The following OSBP2 variants were observed in gnomAD, a reference collection of about 807,000 sequenced individuals.
OSBP2 encodes oxysterol binding protein 2, also known as oxysterol-binding protein 2.
Under a neutral mutation model 96.0 loss-of-function variants are expected in OSBP2, and 66 were observed. That is an observed-to-expected ratio of 0.69 (90% CI 0.56 to 0.84). OSBP2 has a LOEUF of 0.84. Among genes scored for constraint, OSBP2 ranks in the 40% least tolerant of loss-of-function variants. The pLI, the probability that OSBP2 is intolerant of heterozygous loss-of-function variation, is 0.00. For missense variants in OSBP2, 1,038 were observed against 1,222.7 expected (o/e 0.85, Z 2.25); for synonymous variants, 525 against 520.9 (o/e 1.01, Z -0.11).
chr22:30,716,809 C>T (rs9621073), intron 1 of OSBP2, among the ~76,000 whole-genome samples: 3,541 of 152,262 alleles, frequency 0.023, 120 homozygotes, highest in African/African-American at 0.08. Flanking sequence ...ACATTCTAGA[C>T]ATTAACCCAC....
intron 1 of OSBP2, among the ~76,000 whole-genome samples, chr22:30,721,427 C>T (rs560802247): frequency 1.3e-5 from 2 of 152,230 alleles, no homozygotes; most frequent in Admixed American, 1.3e-4. Context: ...CTGTGGCAGG[C>T]CCTCAGTGAA....
At chr22:30,824,846 G>A (rs1434321485) in intron 2 of OSBP2, among the ~76,000 whole-genome samples, 1 of 152,202 alleles carries the variant, frequency 6.6e-6, no homozygotes, top group Non-Finnish European at 1.5e-5. Context: ...CATTTCAGCA[G>A]CAGGACAAGG....
At chr22:30,760,830 A>G (rs2090197186) in intron 2 of OSBP2, among the ~76,000 whole-genome samples, 1 of 152,154 alleles carries the variant, frequency 6.6e-6, no homozygotes, top group Non-Finnish European at 1.5e-5. Context: ...AAAAAGAAAA[A>G]AAAAAGAAAA....
At chr22:30,728,589 T>A (rs136367) in intron 1 of OSBP2, among the ~76,000 whole-genome samples, 1 of 152,090 alleles carries the variant, frequency 6.6e-6, no homozygotes, top group African/African-American at 2.4e-5. Context: ...CTCAAACTCC[T>A]GGGCTCAAAG....
chr22:30,764,420 T>G, intron 2 of OSBP2: 1 of 983,928 alleles, frequency 1.0e-6, no homozygotes, highest in Non-Finnish European at 1.2e-6. Flanking sequence ...TTCCTCCTGT[T>G]CCTGTTGGGT....
At chr22:30,898,911 AC>A (rs1282171960) in intron 12 of OSBP2, among the ~76,000 whole-genome samples, 3 of 151,312 alleles carry the variant, frequency 2.0e-5, no homozygotes, top group Non-Finnish European at 4.4e-5. Flanking sequence ...AATTAAAAAA[AC>A]AAAGCCAAAA....
At chr22:30,712,507 C>T (rs1052126193) in intron 1 of OSBP2, among the ~76,000 whole-genome samples, 2 of 152,210 alleles carry the variant, frequency 1.3e-5, no homozygotes. Flanking sequence ...AATCCTCTCT[C>T]ATCCTTTTGC....
chr22:30,771,983 G>A (rs1478974389), intron 2 of OSBP2, among the ~76,000 whole-genome samples: 1 of 152,214 alleles, frequency 6.6e-6, no homozygotes. Flanking sequence ...CAGATGTTTG[G>A]TGTGCACAGT....
intron 1 of OSBP2, among the ~76,000 whole-genome samples, chr22:30,722,785 G>C (rs1354655971): frequency 1.7e-4 from 12 of 70,010 alleles, no homozygotes; most frequent in South Asian, 1.1e-3. Context: ...CTCTCTCTCT[G>C]TCTTTTTTTT....
intron 12 of OSBP2, chr22:30,902,144 AAAAAAAAAC>A: frequency 5.4e-6 from 2 of 369,596 alleles, no homozygotes; most frequent in Non-Finnish European, 8.9e-6. Context: ...AAAAACCAAA[AAAAAAAAAC>A]AGAGGGTCCC....
intron 2 of OSBP2, among the ~76,000 whole-genome samples, chr22:30,801,848 A>T (rs1391499965): frequency 2.0e-5 from 3 of 152,142 alleles, no homozygotes; most frequent in Admixed American, 6.6e-5. Context: ...ATGGTGGTGC[A>T]CACTTGTGGA....
chr22:30,705,862 G>T (rs2089244285), intron 1 of OSBP2, among the ~76,000 whole-genome samples: 1 of 152,152 alleles, frequency 6.6e-6, no homozygotes, highest in African/African-American at 2.4e-5. Context: ...AGGGAAGTGT[G>T]CACACACCCT....
intron 1 of OSBP2, among the ~76,000 whole-genome samples, chr22:30,702,969 A>G (rs887219711): frequency 1.3e-5 from 2 of 152,308 alleles, no homozygotes; most frequent in Admixed American, 1.3e-4. Flanking sequence ...AAAGCCAAGT[A>G]TGTTCATGCC....
chr22:30,861,618 C>T (rs181570393), intron 2 of OSBP2, among the ~76,000 whole-genome samples: 23 of 152,318 alleles, frequency 1.5e-4, no homozygotes, highest in Admixed American at 5.9e-4. Flanking sequence ...TCAGGTTGAA[C>T]GTCTCGGAGT....
At position 30,695,146 on chromosome 22, in the gene OSBP2, A is replaced by T. The variant is rs1165389140; in HGVS notation, c.237A>T (p.Arg79Ser). 23 of 1,607,922 alleles carry T rather than the reference A, an allele frequency of 1.4e-5. No homozygotes were observed. Among genetic ancestry groups the T allele is most frequent in the Non-Finnish European group, 1.9e-5 (22 of 1,176,616 alleles). Residue 79 changes from arginine to serine, a missense_variant, in exon 1 of 14, where the codon AGA becomes AGT. Arg to Ser is a moderately radical substitution (Grantham distance 110). This residue lies in a region of OSBP2 where 281 missense variants were observed against 273.4 expected (regional missense o/e 1.03). Coordinates refer to ENST00000332585, the MANE Select transcript of OSBP2 (RefSeq NM_030758.4). Reference protein sequence around the residue: ...VSEAVSEAVPRSEPVSETTSE... With the variant: ...VSEAVSEAVPSSEPVSETTSE... ...AGGCAGTTTCGGAGGCAGTGCCAAGATCGGAACCTGTGTCCGAGACGACGT... is the reference window on the plus strand; with the variant it reads ...AGGCAGTTTCGGAGGCAGTGCCAAGTTCGGAACCTGTGTCCGAGACGACGT...
intron 2 of OSBP2, among the ~76,000 whole-genome samples, chr22:30,788,449 C>T (rs1020596761): frequency 3.2e-4 from 48 of 152,166 alleles, no homozygotes; most frequent in African/African-American, 1.0e-3. Context: ...CTCAGTCAAA[C>T]AGCCAGAATG....
intron 2 of OSBP2, among the ~76,000 whole-genome samples, chr22:30,748,935 G>A (rs1297026009): frequency 1.3e-5 from 2 of 152,166 alleles, no homozygotes; most frequent in Non-Finnish European, 2.9e-5. Flanking sequence ...GGCCAACATG[G>A]TGAAACCCCG....
chr22:30,857,970 A>T (rs1250211730), intron 2 of OSBP2, among the ~76,000 whole-genome samples: 5 of 152,178 alleles, frequency 3.3e-5, no homozygotes, highest in Admixed American at 6.5e-5. Flanking sequence ...ACACCTGCCC[A>T]CTACACTGCA....
At chr22:30,801,816 CAAA>C (rs879279586) in intron 2 of OSBP2, among the ~76,000 whole-genome samples, 4 of 151,856 alleles carry the variant, frequency 2.6e-5, no homozygotes, top group Non-Finnish European at 4.4e-5. Context: ...TCAACAACAA[CAAA>C]AAAAAATCCT....
Sources: gnomAD v4.1 joint callset for allele counts (sites outside exome capture counted in the v4.1 genomes callset) on GRCh38, gnomAD v4.1.1 for gene constraint, gnomAD v4.1.1 regional missense constraint, MANE v1.5 for transcripts, NCBI Gene and HGNC (gene_info 2026-07-23, HGNC 2026-07-21) for gene names.